The following AATF variants were observed in gnomAD, a reference collection of about 807,000 sequenced individuals.
AATF encodes the protein protein AATF.
In AATF, 48 loss-of-function variants were observed where a neutral mutation model predicts 63.7. The observed-to-expected ratio is 0.75, with a 90% CI of 0.60 to 0.96. The LOEUF is 0.96. Ranked by LOEUF, AATF falls within the 40% of genes least tolerant of loss-of-function variation. The probability of loss-of-function intolerance (pLI) is 0.00; values close to 1 mark genes in which losing one functional copy is unlikely to be tolerated. For synonymous variants in AATF, 258 were observed against 247.7 expected (o/e 1.04, Z -0.39); for missense variants, 639 against 685.7 (o/e 0.93, Z 0.76).
At chr17:37,038,893 T>G (rs147830636) in intron 11 of AATF, among the ~76,000 whole-genome samples, 29 of 152,318 alleles carry the variant, frequency 1.9e-4, no homozygotes, top group African/African-American at 6.7e-4. Flanking sequence ...AATGTACAAA[T>G]GCAATCCAGC....
intron 11 of AATF, chr17:37,055,748 G>A (rs759911666): frequency 5.3e-5 from 8 of 152,282 alleles, no homozygotes; most frequent in Non-Finnish European, 1.2e-4. Context: ...CCTCCCTGAT[G>A]ACAGGGACGT....
intron 1 of AATF, 111 bp downstream of exon 1, chr17:36,949,327 C>G: frequency 9.3e-7 from 1 of 1,076,552 alleles, no homozygotes; most frequent in South Asian, 1.7e-5. Flanking sequence ...CGCTCCTTCG[C>G]TTGGCGCAGA....
rs769901718 is a variant in AATF at position 36,966,745 on chromosome 17, C to T, written c.832+12838C>T. On this transcript the variant is annotated intron_variant, in intron 4 of 11. Coordinates refer to ENST00000619387, the MANE Select transcript of AATF (RefSeq NM_012138.4). Reference sequence around the variant, plus strand: ...TGTCTCAACCAGATGTTTTGTTTATCTTGGACATTTTCCTTTCTTGGCAGG... The same window carrying T: ...TGTCTCAACCAGATGTTTTGTTTATTTTGGACATTTTCCTTTCTTGGCAGG... Among the ~76,000 whole-genome samples, 7 of 152,052 alleles carry T rather than the reference C, an allele frequency of 4.6e-5. No individual in the cohort carries two copies. The South Asian group carries it at 1.5e-3, about 32-fold the overall frequency.
chr17:37,013,915 T>G (rs934132902), intron 8 of AATF, among the ~76,000 whole-genome samples: 1 of 152,106 alleles, frequency 6.6e-6, no homozygotes, highest in African/African-American at 2.4e-5. Flanking sequence ...GCACCTCCCT[T>G]CTACTTTTTC....
intron 10 of AATF, among the ~76,000 whole-genome samples, chr17:37,027,127 C>T (rs181206512): frequency 2.0e-5 from 3 of 152,004 alleles, no homozygotes; most frequent in Admixed American, 6.5e-5. Context: ...TAGAAAATAA[C>T]GTTTTTTAAA....
chr17:37,022,031 T>G (rs1460545871), intron 10 of AATF, among the ~76,000 whole-genome samples: 1 of 152,004 alleles, frequency 6.6e-6, no homozygotes, highest in Admixed American at 6.5e-5. Context: ...GTGAGCTCTT[T>G]AAGGAGTTTT....
intron 4 of AATF, among the ~76,000 whole-genome samples, chr17:36,960,361 AAAT>A (rs2070937532): frequency 6.6e-6 from 1 of 152,262 alleles, no homozygotes; most frequent in South Asian, 2.1e-4. Flanking sequence ...TAGATACCTT[AAAT>A]AATAATGTTT....
Position 37,029,069 on chromosome 17 carries a change from G to A in AATF, c.1548-2545G>A, listed in dbSNP as rs114365065. Among the ~76,000 whole-genome samples the A allele has an allele frequency of 9.8e-3, 1,497 of 152,088 alleles. 35 individuals are homozygous for A. The highest frequency in any genetic ancestry group is 0.034 in the African/African-American group (1,429 of 41,486). On this transcript the variant is annotated intron_variant, in intron 10 of 11. Coordinates refer to ENST00000619387, the MANE Select transcript of AATF (RefSeq NM_012138.4). ...TGTTTTTTAGATAAGCTCATACTCT[G>A]TAGTGAGCCATGATCACACCACTGC... is the stretch of plus-strand genomic sequence containing the variant.
chr17:36,965,436 G>A (rs1038035132), intron 4 of AATF, among the ~76,000 whole-genome samples: 1 of 152,090 alleles, frequency 6.6e-6, no homozygotes, highest in Admixed American at 6.6e-5. Flanking sequence ...GGACCACCTG[G>A]CTTATCCAGG....
chr17:36,964,288 G>A (rs1260354958), intron 4 of AATF, among the ~76,000 whole-genome samples: 1 of 150,816 alleles, frequency 6.6e-6, no homozygotes, highest in Non-Finnish European at 1.5e-5. Context: ...TTGTCACAGT[G>A]TCCTATAGTG....
At chr17:36,995,363 G>A (rs555042131) in intron 8 of AATF, among the ~76,000 whole-genome samples, 9 of 152,208 alleles carry the variant, frequency 5.9e-5, no homozygotes, top group Non-Finnish European at 1.2e-4. Context: ...ATTAAAAGTC[G>A]ATAATGTTGA....
chr17:37,021,069 T>C (rs2071466286), intron 10 of AATF, 55 bp downstream of exon 10: 2 of 1,266,130 alleles, frequency 1.6e-6, no homozygotes, highest in Non-Finnish European at 1.1e-6. Context: ...ATCTCGTCTC[T>C]TACATTCTGG....
At chr17:37,047,711 A>G (rs1010476649) in intron 11 of AATF, among the ~76,000 whole-genome samples, 1 of 152,254 alleles carries the variant, frequency 6.6e-6, no homozygotes, top group Admixed American at 6.5e-5. Flanking sequence ...GAATTGGAAC[A>G]GACCTTCTAG....
At chr17:37,038,443 A>G (rs1470694288) in intron 11 of AATF, among the ~76,000 whole-genome samples, 2 of 152,142 alleles carry the variant, frequency 1.3e-5, no homozygotes, top group African/African-American at 2.4e-5. Flanking sequence ...CTCTGTTGGC[A>G]TTGGTTTTGG....
At chr17:37,038,325 T>G (rs1055000179) in intron 11 of AATF, among the ~76,000 whole-genome samples, 1 of 152,176 alleles carries the variant, frequency 6.6e-6, no homozygotes, top group Non-Finnish European at 1.5e-5. Context: ...AAAATGCTAG[T>G]ATGACAAGAC....
intron 11 of AATF, chr17:37,056,278 G>A (rs948985126): frequency 1.1e-5 from 3 of 263,002 alleles, no homozygotes; most frequent in African/African-American, 2.2e-5. Context: ...CCTCCTCATC[G>A]GATGGCGGTC....
chr17:36,998,073 GGGAAGAGT>G (rs1343435942), intron 8 of AATF, among the ~76,000 whole-genome samples: 1 of 152,114 alleles, frequency 6.6e-6, no homozygotes, highest in African/African-American at 2.4e-5. Context: ...GGACTCGTGG[GGGAAGAGT>G]GGAAGAGGGG....
At chr17:36,964,476 C>T (rs1403451546) in intron 4 of AATF, among the ~76,000 whole-genome samples, 1 of 152,090 alleles carries the variant, frequency 6.6e-6, no homozygotes, top group Non-Finnish European at 1.5e-5. Flanking sequence ...CACCGCACTC[C>T]AGCCTGGGTG....
intron 8 of AATF, among the ~76,000 whole-genome samples, chr17:37,003,628 G>T (rs1186928307): frequency 1.3e-5 from 2 of 151,432 alleles, no homozygotes; most frequent in African/African-American, 4.9e-5. Flanking sequence ...CACCACACCC[G>T]GCTGGTTTTT....
Sources: allele counts gnomAD v4.1 joint callset (sites outside exome capture counted in the v4.1 genomes callset), GRCh38; gene constraint gnomAD v4.1.1; transcripts MANE v1.5; gene names NCBI Gene and HGNC (gene_info 2026-07-23, HGNC 2026-07-21).